RAVER2: variants seen among roughly 807,000 people sequenced by gnomAD.
RAVER2 encodes the protein ribonucleoprotein, PTB binding 2, also known as ribonucleoprotein PTB-binding 2.
A neutral mutation model predicts 78.1 loss-of-function variants in RAVER2; 46 were observed. The ratio of observed to expected loss-of-function variants is 0.59; its 90% CI spans 0.46 to 0.75. The LOEUF is 0.75. Ranked by LOEUF, RAVER2 falls within the 30% of genes least tolerant of loss-of-function variation. The pLI is 0.00. For missense variants in RAVER2, 793 were observed against 837.5 expected, an observed-to-expected ratio of 0.95 and a Z score of 0.66; for synonymous variants, 311 against 313.3, an observed-to-expected ratio of 0.99 and a Z score of 0.08.
chr1:64,769,604 A>G (rs753147018), intron 2 of RAVER2, among the ~76,000 whole-genome samples: 5 of 152,012 alleles, frequency 3.3e-5, no homozygotes, highest in Non-Finnish European at 5.9e-5. Flanking sequence ...AATGACATGT[A>G]TCCCTTCCAG....
At chr1:64,799,178 C>T (rs529114810) in intron 5 of RAVER2, among the ~76,000 whole-genome samples, 2 of 152,290 alleles carry the variant, frequency 1.3e-5, no homozygotes, top group East Asian at 3.9e-4. Flanking sequence ...TGAGGGAGAA[C>T]ATGCAGTATT....
intron 2 of RAVER2, 143 bp from the exon 3 acceptor site, chr1:64,777,480 C>CAT: frequency 1.5e-6 from 1 of 645,740 alleles, no homozygotes; most frequent in South Asian, 2.1e-5. Flanking sequence ...CAATGCATTG[C>CAT]ATATAGTAGG....
chr1:64,808,456 C>CTTTTTTTTT (rs71584460), intron 9 of RAVER2, among the ~76,000 whole-genome samples: 21 of 103,164 alleles, frequency 2.0e-4, no homozygotes, highest in Admixed American at 3.7e-4. Context: ...TAATGCAGTC[C>CTTTTTTTTT]TTTTTTTTTT....
intron 1 of RAVER2, among the ~76,000 whole-genome samples, chr1:64,757,578 T>C (rs891887225): frequency 1.3e-5 from 2 of 152,154 alleles, no homozygotes; most frequent in African/African-American, 4.8e-5. Flanking sequence ...GGAAATAAAT[T>C]TCTGTTGTTT....
At chr1:64,798,144 A>T (rs1192207392) in intron 5 of RAVER2, among the ~76,000 whole-genome samples, 1 of 130,296 alleles carries the variant, frequency 7.7e-6, no homozygotes, top group African/African-American at 2.9e-5. Flanking sequence ...TCATTGTTCA[A>T]TTCCCACCTA....
chr1:64,781,357 T>C (rs1652620688), intron 3 of RAVER2, 23 bp from the exon 4 acceptor site: 1 of 1,526,810 alleles, frequency 6.5e-7, no homozygotes, highest in Admixed American at 2.0e-5. Context: ...GGAATTACTG[T>C]TTAATAGAAT....
intron 5 of RAVER2, among the ~76,000 whole-genome samples, chr1:64,789,837 A>G (rs1293922054): frequency 6.6e-6 from 1 of 152,216 alleles, no homozygotes; most frequent in Non-Finnish European, 1.5e-5. Flanking sequence ...GTTATAACCT[A>G]TATTAACAAA....
intron 1 of RAVER2, among the ~76,000 whole-genome samples, chr1:64,749,802 T>G (rs1651647447): frequency 6.6e-6 from 1 of 152,246 alleles, no homozygotes; most frequent in Non-Finnish European, 1.5e-5. Flanking sequence ...TTTTTTCTAA[T>G]ATATGTGTTA....
At chr1:64,783,824 C>G (rs1185351285) in intron 4 of RAVER2, among the ~76,000 whole-genome samples, 2 of 152,156 alleles carry the variant, frequency 1.3e-5, no homozygotes, top group African/African-American at 4.8e-5. Context: ...GCAAAATAGA[C>G]AAATGGGATC....
At chr1:64,800,758 A>G (rs1447985763) in intron 5 of RAVER2, among the ~76,000 whole-genome samples, 7 of 152,154 alleles carry the variant, frequency 4.6e-5, no homozygotes. Flanking sequence ...AGAATTAAAC[A>G]TTCCCTCCAA....
intron 3 of RAVER2, among the ~76,000 whole-genome samples, chr1:64,780,753 C>A (rs1482281897): frequency 1.3e-5 from 2 of 152,140 alleles, no homozygotes; most frequent in Non-Finnish European, 2.9e-5. Flanking sequence ...TACACTCTTA[C>A]AGGTGGGTGA....
intron 4 of RAVER2, among the ~76,000 whole-genome samples, chr1:64,782,885 C>T (rs1186662254): frequency 2.0e-5 from 3 of 152,186 alleles, no homozygotes; most frequent in African/African-American, 7.2e-5. Flanking sequence ...CCCCCAGCCC[C>T]CTACCCCGCG....
chr1:64,777,933 A>G, exon 3 of RAVER2: 2 of 1,614,070 alleles, frequency 1.2e-6, no homozygotes, highest in Non-Finnish European at 1.7e-6. Context: ...GACAGTTGGG[A>G]GCATCAGCAC....
chr1:64,759,280 C>T (rs1164310581), intron 1 of RAVER2, among the ~76,000 whole-genome samples: 3 of 151,820 alleles, frequency 2.0e-5, no homozygotes, highest in South Asian at 2.1e-4. Flanking sequence ...AGTGCAGTGG[C>T]GCGATCTTGG....
chr1:64,826,438 G>A (rs1020005027), intron 11 of RAVER2, among the ~76,000 whole-genome samples: 4 of 152,134 alleles, frequency 2.6e-5, no homozygotes, highest in Admixed American at 2.6e-4. Context: ...TACATTCCAG[G>A]GACAGGGAAC....
At chr1:64,805,082 A>G (rs1047304787) in exon 8 of RAVER2, 1 of 1,614,070 alleles carries the variant, frequency 6.2e-7, no homozygotes, top group Non-Finnish European at 8.5e-7. Context: ...GAGTTGGGAC[A>G]TCATCATGGA....
rs947644348 is a variant in RAVER2, at chr1:64,745,593, C to A, written c.249+172C>A. Reference sequence around the variant, plus strand: ...TCTTGGGGTTTCTAGCCTGCAGACGCCCTGCCAGGGAGGGGGGCAGATTGG... The same window carrying A: ...TCTTGGGGTTTCTAGCCTGCAGACGACCTGCCAGGGAGGGGGGCAGATTGG... On this transcript the variant is annotated intron_variant, in intron 1 of 11. Coordinates refer to ENST00000294428, the Ensembl canonical transcript of RAVER2. This position sits in a 1 kb window ranked among gnomAD's most constrained non-coding sequence, Gnocchi z 4.3. Among the ~76,000 whole-genome samples, 12 of 138,602 alleles carry A rather than the reference C, an allele frequency of 8.7e-5. No individual in the cohort carries two copies. The highest frequency in any genetic ancestry group is 3.0e-4 in the African/African-American group (12 of 40,540). 90.9% of individuals were successfully genotyped at this position (138,602 alleles called of 152,430 possible). A position where few individuals can be genotyped will look rare whatever the true frequency, so the allele number is the denominator to read the frequency against.
At chr1:64,761,262 T>G (rs949485659) in intron 1 of RAVER2, among the ~76,000 whole-genome samples, 6 of 152,194 alleles carry the variant, frequency 3.9e-5, no homozygotes, top group Non-Finnish European at 7.3e-5. Flanking sequence ...AGTTAAAAAT[T>G]TAGCCAAGAT....
chr1:64,821,262 C>A (rs374014066), intron 11 of RAVER2, among the ~76,000 whole-genome samples: 3 of 151,750 alleles, frequency 2.0e-5, no homozygotes, highest in African/African-American at 7.3e-5. Flanking sequence ...TTGTTTTTTT[C>A]TTGTAAATTT....
Sources: gnomAD v4.1 joint callset for allele counts (sites outside exome capture counted in the v4.1 genomes callset) on GRCh38, gnomAD v4.1.1 for gene constraint, Gnocchi (gnomAD v3.1) non-coding constraint, MANE v1.5 for transcripts, NCBI Gene and HGNC (gene_info 2026-07-23, HGNC 2026-07-21) for gene names.